ARHGDIB: variants seen among roughly 807,000 people sequenced by gnomAD.
ARHGDIB encodes the protein rho GDP-dissociation inhibitor 2.
In ARHGDIB, 20 loss-of-function variants were observed where a neutral mutation model predicts 22.6. The observed-to-expected ratio is 0.88, with a 90% CI of 0.62 to 1.28. ARHGDIB has a LOEUF of 1.28. ARHGDIB is among the 50% of genes most tolerant of loss of function. The pLI, the probability that ARHGDIB is intolerant of heterozygous loss-of-function variation, is 0.00. For synonymous variants in ARHGDIB, 114 were observed against 96.1 expected (o/e 1.19, Z -1.09); for missense variants, 254 against 245.4 (o/e 1.04, Z -0.23).
At chr12:14,954,001 C>A (rs1460172626) in intron 1 of ARHGDIB, among the ~76,000 whole-genome samples, 1 of 149,082 alleles carries the variant, frequency 6.7e-6, no homozygotes, top group African/African-American at 2.5e-5. Context: ...TTTTTTGAGG[C>A]ATAGTTTTAC....
rs1863880514 is a variant in ARHGDIB at position 14,942,284 on chromosome 12, G to A, written c.*238C>T. 1.8e-6 allele frequency: 1 copy of A among 548,236 alleles called. No individual in the cohort carries two copies. The allele number at this position is 548,236 out of a possible 1,614,324, so 34.0% of individuals were successfully genotyped here. On this transcript the variant is annotated 3_prime_UTR_variant, in exon 6 of 6. Coordinates refer to ENST00000228945, the MANE Select transcript of ARHGDIB (RefSeq NM_001175.7). ...TTAAATGATTGTGTACTGAGATGGA[G>A]ACGTGGAAGATCTGGCCCTGATGGA...
chr12:14,952,718 C>T (rs764824664), intron 1 of ARHGDIB, among the ~76,000 whole-genome samples: 1 of 152,122 alleles, frequency 6.6e-6, no homozygotes, highest in South Asian at 2.1e-4. Flanking sequence ...CCTGGTGATC[C>T]CCGGAGGATG....
chr12:14,954,464 G>C (rs1864254664), intron 1 of ARHGDIB, among the ~76,000 whole-genome samples: 1 of 152,230 alleles, frequency 6.6e-6, no homozygotes, highest in African/African-American at 2.4e-5. Context: ...AGACCCTTAG[G>C]AGAATTCCGT....
chr12:14,949,082 T>A (rs1864102146), intron 3 of ARHGDIB, among the ~76,000 whole-genome samples: 1 of 152,160 alleles, frequency 6.6e-6, no homozygotes, highest in Non-Finnish European at 1.5e-5. Context: ...GTCCAATTTT[T>A]TCATTTGGTA....
chr12:14,948,100 G>A (rs879009150), intron 3 of ARHGDIB, 151 bp from the exon 4 acceptor site: 28 of 436,256 alleles, frequency 6.4e-5, no homozygotes, highest in Middle Eastern at 4.1e-4. Context: ...TTTAGTCCTT[G>A]CACACACACA....
intron 3 of ARHGDIB, 138 bp from the exon 4 acceptor site, chr12:14,948,087 G>T: frequency 1.8e-6 from 1 of 556,332 alleles, no homozygotes; most frequent in Non-Finnish European, 3.3e-6. Context: ...CAGAGTATTT[G>T]AGTTTAGTCC....
At chr12:14,958,983 T>C (rs1432540270) in intron 1 of ARHGDIB, among the ~76,000 whole-genome samples, 1 of 152,146 alleles carries the variant, frequency 6.6e-6, no homozygotes, top group African/African-American at 2.4e-5. Flanking sequence ...TCTCAAAATA[T>C]GGAATTGGAG....
intron 5 of ARHGDIB, among the ~76,000 whole-genome samples, chr12:14,943,578 T>A (rs1863934868): frequency 6.6e-6 from 1 of 152,118 alleles, no homozygotes; most frequent in Non-Finnish European, 1.5e-5. Flanking sequence ...TGTCATTCTA[T>A]GAACATATCA....
Position 14,961,535 on chromosome 12 carries a change from A to G in ARHGDIB, c.-13+2T>C, listed in dbSNP as rs986742441. ...TCCCCAGCCCGAGGTATTTGAACTTACATTCAGTGCTTCACGTCTCTGTCC... is the reference window on the plus strand; with the variant it reads ...TCCCCAGCCCGAGGTATTTGAACTTGCATTCAGTGCTTCACGTCTCTGTCC... On this transcript the variant is annotated splice_donor_variant, in intron 1 of 5. Transcript: ENST00000228945. LOFTEE classifies it low-confidence loss of function (5UTR_SPLICE). The G allele has an allele frequency of 6.6e-6, 1 of 152,230 alleles. No homozygotes were observed. The highest frequency in any genetic ancestry group is 2.4e-5 in the African/African-American group (1 of 41,432). 9.4% of individuals were successfully genotyped at this position (152,230 alleles called of 1,614,324 possible).
intron 1 of ARHGDIB, among the ~76,000 whole-genome samples, chr12:14,960,521 G>A (rs1424219886): frequency 6.6e-6 from 1 of 151,914 alleles, no homozygotes; most frequent in African/African-American, 2.4e-5. Flanking sequence ...TTTATTTTTT[G>A]AGCCAGAGTT....
At chr12:14,953,709 A>G (rs1228070151) in intron 1 of ARHGDIB, among the ~76,000 whole-genome samples, 2 of 152,068 alleles carry the variant, frequency 1.3e-5, no homozygotes, top group Non-Finnish European at 2.9e-5. Flanking sequence ...TCCTTTATAG[A>G]CTTATTTGGG....
At chr12:14,948,790 G>A (rs1318272974) in intron 3 of ARHGDIB, 1 of 152,234 alleles carries the variant, frequency 6.6e-6, no homozygotes, top group Non-Finnish European at 1.5e-5. Context: ...TTGCAAACTG[G>A]CAGCTGTACC....
At chr12:14,959,887 T>C (rs1347823301) in intron 1 of ARHGDIB, among the ~76,000 whole-genome samples, 1 of 152,204 alleles carries the variant, frequency 6.6e-6, no homozygotes, top group Non-Finnish European at 1.5e-5. Flanking sequence ...TTCACACATC[T>C]CACAAAAGAG....
chr12:14,960,370 T>C (rs1043615728), intron 1 of ARHGDIB, among the ~76,000 whole-genome samples: 6 of 152,202 alleles, frequency 3.9e-5, no homozygotes, highest in Non-Finnish European at 8.8e-5. Flanking sequence ...GACCTTGACA[T>C]TTTGAAGGCC....
rs1864332430 is a variant in ARHGDIB at position 14,957,812 on chromosome 12, G to A, written c.-13+3725C>T. The stretch of plus-strand genomic sequence containing the variant: ...ATGGATATTAATGTATTAGGTAGAA[G>A]AGATAGCGATGAGAGAGAGAGAAGG... On this transcript the variant is annotated intron_variant, in intron 1 of 5. Coordinates refer to ENST00000228945, the MANE Select transcript of ARHGDIB (RefSeq NM_001175.7). 2.0e-5 allele frequency among the ~76,000 whole-genome samples: 3 copies of A among 151,766 alleles called. No individual in the cohort carries two copies. In the South Asian group the frequency reaches 6.3e-4, roughly 32 times the overall value.
intron 4 of ARHGDIB, among the ~76,000 whole-genome samples, chr12:14,945,295 T>C (rs1330704683): frequency 6.6e-6 from 1 of 152,202 alleles, no homozygotes; most frequent in Non-Finnish European, 1.5e-5. Flanking sequence ...ACTTACCATA[T>C]AAAAAACAAA....
chr12:14,942,928 G>A (rs1234389089), intron 5 of ARHGDIB, among the ~76,000 whole-genome samples: 2 of 151,734 alleles, frequency 1.3e-5, no homozygotes, highest in East Asian at 3.9e-4. Flanking sequence ...GAGTGCGGAA[G>A]CACAATCTCG....
At chr12:14,943,409 T>G (rs1863928193) in intron 5 of ARHGDIB, among the ~76,000 whole-genome samples, 1 of 151,302 alleles carries the variant, frequency 6.6e-6, no homozygotes, top group African/African-American at 2.4e-5. Flanking sequence ...TTGTTGTTTT[T>G]TTTATGGAGA....
intron 1 of ARHGDIB, among the ~76,000 whole-genome samples, chr12:14,960,296 T>C (rs1016981707): frequency 6.6e-6 from 1 of 152,194 alleles, no homozygotes; most frequent in African/African-American, 2.4e-5. Context: ...GGAAGTCCTC[T>C]AAAAGGGAAG....
Sources: allele counts gnomAD v4.1 joint callset (sites outside exome capture counted in the v4.1 genomes callset), GRCh38; gene constraint gnomAD v4.1.1; transcripts MANE v1.5; gene names NCBI Gene and HGNC (gene_info 2026-07-23, HGNC 2026-07-21).